Variants in KLHL13 observed in about 807,000 individuals in gnomAD.
KLHL13 encodes the protein kelch like family member 13, also known as kelch-like protein 13.
KLHL13 carries 10 observed loss-of-function variants against 37.1 expected under a neutral mutation model. That is an observed-to-expected ratio of 0.27 (90% confidence interval 0.17 to 0.46). KLHL13 has a LOEUF of 0.46. Among genes scored for constraint, KLHL13 ranks in the 20% least tolerant of loss-of-function variants. The probability of loss-of-function intolerance (pLI) is 1.00; values close to 1 mark genes in which losing one functional copy is unlikely to be tolerated. For synonymous variants in KLHL13, 163 were observed against 181.2 expected (o/e 0.90, Z 0.81); for missense variants, 360 against 509.3 (o/e 0.71, Z 2.82).
intron 1 of KLHL13, among the ~76,000 whole-genome samples, chrX:117,996,480 A>G (rs893519055): frequency 1.8e-4 from 20 of 111,872 alleles, no homozygotes; most frequent in African/African-American, 6.2e-4. Flanking sequence ...ACCGATTCCA[A>G]TTTGCAATTA....
chrX:117,945,673 A>C, intron 1 of KLHL13, 98 bp from the exon 3 acceptor site: 1 of 671,477 alleles, frequency 1.5e-6, no homozygotes, highest in Non-Finnish European at 2.3e-6. Context: ...TTGCAATCAT[A>C]TGACCATGCA....
intron 1 of KLHL13, among the ~76,000 whole-genome samples, chrX:118,022,264 TA>T (rs1159350477): frequency 8.9e-6 from 1 of 111,983 alleles, no homozygotes; most frequent in Non-Finnish European, 1.9e-5. Flanking sequence ...GTTGTTTCCA[TA>T]TCTTAGCTAT....
chrX:117,902,896 C>T (rs1930190349), intron 5 of KLHL13, among the ~76,000 whole-genome samples: 1 of 110,769 alleles, frequency 9.0e-6, no homozygotes, highest in African/African-American at 3.3e-5. Flanking sequence ...CACAACACTG[C>T]TTAGGGAAGC....
chrX:117,982,377 C>T (rs913727194), intron 1 of KLHL13, among the ~76,000 whole-genome samples: 1 of 110,985 alleles, frequency 9.0e-6, no homozygotes, highest in Non-Finnish European at 1.9e-5. Flanking sequence ...TTATAAAATA[C>T]GTCAAAGTCA....
At chrX:118,042,959 G>GT (rs2054520661) in intron 1 of KLHL13, among the ~76,000 whole-genome samples, 1 of 109,004 alleles carries the variant, frequency 9.2e-6, no homozygotes, top group African/African-American at 3.3e-5. Context: ...TGAAAAGTTG[G>GT]TTTTTTGAAA....
chrX:117,965,114 G>A (rs2053396241), intron 1 of KLHL13, among the ~76,000 whole-genome samples: 1 of 111,786 alleles, frequency 8.9e-6, no homozygotes, highest in African/African-American at 3.3e-5. Flanking sequence ...GTAATGGGAT[G>A]GGTGGGTCAA....
intron 1 of KLHL13, among the ~76,000 whole-genome samples, chrX:118,032,262 C>T (rs773938049): frequency 7.0e-4 from 79 of 112,234 alleles, no homozygotes; most frequent in African/African-American, 2.4e-3. Flanking sequence ...ACCTGCCTGC[C>T]TCTGCAGGCT....
At chrX:117,927,451 CTCTT>C (rs2147731455) in intron 2 of KLHL13, among the ~76,000 whole-genome samples, 1 of 112,307 alleles carries the variant, frequency 8.9e-6, no homozygotes, top group Admixed American at 9.4e-5. Context: ...CAGTTCCTCT[CTCTT>C]TGTCTTTGGG....
intron 1 of KLHL13, among the ~76,000 whole-genome samples, chrX:118,083,249 T>C (rs1360706966): frequency 1.8e-5 from 2 of 111,729 alleles, no homozygotes; most frequent in Admixed American, 9.6e-5. Flanking sequence ...ATTCCAAGTA[T>C]ATATATGTAT....
intron 1 of KLHL13, among the ~76,000 whole-genome samples, chrX:118,086,455 A>T (rs183127160): frequency 8.9e-6 from 1 of 111,902 alleles, no homozygotes; most frequent in African/African-American, 3.2e-5. Context: ...AACTTTGTGA[A>T]CATACTAAAA....
intron 1 of KLHL13, among the ~76,000 whole-genome samples, chrX:118,066,397 A>G (rs1162882738): frequency 8.9e-6 from 1 of 111,926 alleles, no homozygotes; most frequent in African/African-American, 3.2e-5. Flanking sequence ...ACTGGAGGCA[A>G]TAACTCCTAG....
intron 1 of KLHL13, among the ~76,000 whole-genome samples, chrX:118,025,411 C>T (rs112733526): frequency 4.5e-5 from 5 of 111,667 alleles, no homozygotes; most frequent in African/African-American, 1.6e-4. Flanking sequence ...ACCCCACCCA[C>T]GACGGGAATT....
chrX:117,952,212 A>C (rs1291793238), intron 1 of KLHL13, among the ~76,000 whole-genome samples: 1 of 111,669 alleles, frequency 9.0e-6, no homozygotes, highest in Non-Finnish European at 1.9e-5. Flanking sequence ...AGAGATATAG[A>C]TCAATGGAAC....
At chrX:118,056,969 G>C (rs751636487) in intron 1 of KLHL13, among the ~76,000 whole-genome samples, 1 of 112,016 alleles carries the variant, frequency 8.9e-6, no homozygotes, top group African/African-American at 3.2e-5. Context: ...CAGCCTCCCA[G>C]AGTATTTATT....
At chrX:118,069,109 T>TCACACACACA (rs771534683) in intron 1 of KLHL13, among the ~76,000 whole-genome samples, 1,091 of 83,959 alleles carry the variant, frequency 0.013, 19 homozygotes, top group African/African-American at 0.032. Flanking sequence ...TCCAGAAGAG[T>TCACACACACA]CACACACACA....
intron 1 of KLHL13, among the ~76,000 whole-genome samples, chrX:118,083,576 G>T (rs910185867): frequency 9.0e-6 from 1 of 111,459 alleles, no homozygotes; most frequent in Non-Finnish European, 1.9e-5. Context: ...CAGAGGCTGG[G>T]CGAGAGTGGG....
chrX:117,981,933 A>G (rs2053666343), intron 1 of KLHL13, among the ~76,000 whole-genome samples: 1 of 111,295 alleles, frequency 9.0e-6, no homozygotes, highest in Non-Finnish European at 1.9e-5. Context: ...TATATTAACC[A>G]TTACTGACAG....
intron 1 of KLHL13, among the ~76,000 whole-genome samples, chrX:117,963,657 T>G (rs970998944): frequency 2.1e-5 from 2 of 97,413 alleles, no homozygotes; most frequent in Admixed American, 2.3e-4. Flanking sequence ...ACTTCCACAA[T>G]GGTTGAACTA....
chrX:117,914,251 T>G (rs1931198110), intron 4 of KLHL13: 1 of 106,675 alleles, frequency 9.4e-6, no homozygotes, highest in Admixed American at 1.0e-4. Flanking sequence ...TTTTTCTGGC[T>G]AGCCGAGTGA....
Sources: gnomAD v4.1 joint callset for allele counts (sites outside exome capture counted in the v4.1 genomes callset) on GRCh38, gnomAD v4.1.1 for gene constraint, MANE v1.5 for transcripts, NCBI Gene and HGNC (gene_info 2026-07-23, HGNC 2026-07-21) for gene names.